The following USH2A variants were observed in gnomAD, a reference collection of about 807,000 sequenced individuals.
The protein encoded by USH2A is Usher syndrome 2A (autosomal recessive, mild).
In USH2A, 443 loss-of-function variants were observed where a neutral mutation model predicts 538.9. The ratio of observed to expected loss-of-function variants is 0.82; its 90% CI spans 0.76 to 0.89. The LOEUF is 0.89. USH2A is among the 40% of genes least tolerant of loss of function. The pLI, the probability that USH2A is intolerant of heterozygous loss-of-function variation, is 0.00. For missense variants in USH2A, 6,633 were observed against 6,324.8 expected, an observed-to-expected ratio of 1.05 and a Z score of -1.65; for synonymous variants, 2,413 against 2,273.5, an observed-to-expected ratio of 1.06 and a Z score of -1.75.
At chr1:215,901,205 T>C (rs570341898) in intron 38 of USH2A, 2 of 422,552 alleles carry the variant, frequency 4.7e-6, no homozygotes, top group African/African-American at 2.0e-5. Flanking sequence ...GGAGGGAATT[T>C]AGTGAAGCAA....
intron 64 of USH2A, among the ~76,000 whole-genome samples, chr1:215,653,356 G>A (rs1015265371): frequency 5.3e-5 from 8 of 152,100 alleles, no homozygotes; most frequent in Admixed American, 1.3e-4. Context: ...ATGTATGCAG[G>A]CTATTTTGTC....
intron 23 of USH2A, among the ~76,000 whole-genome samples, chr1:216,088,618 G>A (rs980020589): frequency 6.6e-5 from 10 of 152,156 alleles, no homozygotes; most frequent in African/African-American, 2.4e-4. Flanking sequence ...CCTCTCAACT[G>A]TGTAAGTTAG....
intron 32 of USH2A, among the ~76,000 whole-genome samples, chr1:216,044,300 A>G (rs769614596): frequency 2.4e-4 from 37 of 152,172 alleles, no homozygotes; most frequent in Non-Finnish European, 4.7e-4. Context: ...ATATCCCATT[A>G]CATGCAATGT....
At position 216,397,738 on chromosome 1, in the gene USH2A, C is replaced by T. The variant is rs2039236033; in HGVS notation, c.651+20776G>A. On this transcript the variant is annotated intron_variant, in intron 3 of 71. Transcript: ENST00000307340. ...GCTTTCAGCCTTAGACTATGGGATGCACTGTCAGCTTCCCTGGTTTTGAAG... is the reference window on the plus strand; with the variant it reads ...GCTTTCAGCCTTAGACTATGGGATGTACTGTCAGCTTCCCTGGTTTTGAAG... Among the ~76,000 whole-genome samples the T allele has an allele frequency of 2.6e-5, 4 of 152,310 alleles. No homozygotes were observed. In the South Asian group the frequency reaches 8.3e-4, roughly 32 times the overall value.
chr1:216,297,142 G>A (rs1314565231), intron 9 of USH2A, among the ~76,000 whole-genome samples: 1 of 151,818 alleles, frequency 6.6e-6, no homozygotes, highest in Non-Finnish European at 1.5e-5. Flanking sequence ...TTGAGTAATT[G>A]CCTGTACCTC....
intron 60 of USH2A, among the ~76,000 whole-genome samples, chr1:215,729,373 C>G (rs1360312972): frequency 6.6e-6 from 1 of 152,188 alleles, no homozygotes; most frequent in African/African-American, 2.4e-5. Context: ...ATAATTTAAA[C>G]CATAACCTCT....
At chr1:216,304,228 A>G in intron 9 of USH2A, among the ~76,000 whole-genome samples, 1 of 152,080 alleles carries the variant, frequency 6.6e-6, no homozygotes, top group Non-Finnish European at 1.5e-5. Flanking sequence ...CACAAGGAAT[A>G]CATTTGAAGA....
chr1:215,680,108 G>A, intron 62 of USH2A, 41 bp downstream of exon 62: 1 of 1,597,758 alleles, frequency 6.3e-7, no homozygotes, highest in Non-Finnish European at 8.6e-7. Context: ...TATTTATCTG[G>A]AGAACACCAA....
rs1386612395 is a variant in USH2A, at chr1:215,741,387, T to A, written c.11699A>T (p.Tyr3900Phe). ...PEKPNGIIINYFIYRRPAGIE... is the reference protein window; with the variant it reads ...PEKPNGIIINFFIYRRPAGIE... ...CAGCCAATCTTACCTGTAAATAAAG[T>A]AGTTGATGATGATTCCATTTGGTTT... The change falls in exon 60 of 72, where the codon TAC becomes TTC. Residue 3900 changes from tyrosine to phenylalanine, a missense_variant. Coordinates refer to ENST00000307340, the MANE Select transcript of USH2A (RefSeq NM_206933.4). 2 of 1,613,944 alleles carry A rather than the reference T, an allele frequency of 1.2e-6. No individual in the cohort carries two copies. Among genetic ancestry groups the A allele is most frequent in the Non-Finnish European group, 1.7e-6 (2 of 1,180,016 alleles).
intron 40 of USH2A, among the ~76,000 whole-genome samples, chr1:215,890,504 A>C (rs1446460522): frequency 6.6e-6 from 1 of 152,168 alleles, no homozygotes; most frequent in East Asian, 1.9e-4. Flanking sequence ...TAGTGCACTA[A>C]CTCTGAAATC....
intron 11 of USH2A, among the ~76,000 whole-genome samples, chr1:216,264,667 C>G (rs2036438586): frequency 6.6e-6 from 1 of 152,064 alleles, no homozygotes; most frequent in Admixed American, 6.6e-5. Context: ...TACTACTTAA[C>G]TGCAAAATTT....
chr1:216,092,688 T>C (rs556173630), intron 22 of USH2A, among the ~76,000 whole-genome samples: 2 of 152,144 alleles, frequency 1.3e-5, no homozygotes, highest in South Asian at 4.1e-4. Flanking sequence ...TCATTGGAAG[T>C]AAGGAAGGAC....
chr1:216,396,491 T>C (rs1314981778), intron 3 of USH2A, among the ~76,000 whole-genome samples: 4 of 152,166 alleles, frequency 2.6e-5, no homozygotes. Context: ...CAGCCCATAA[T>C]TAAAGATGTT....
intron 9 of USH2A, among the ~76,000 whole-genome samples, chr1:216,299,836 T>C (rs2037180069): frequency 6.6e-6 from 1 of 152,098 alleles, no homozygotes; most frequent in Non-Finnish European, 1.5e-5. Flanking sequence ...TCCAAAACAA[T>C]GGGATTAATA....
At chr1:215,844,605 T>A in intron 45 of USH2A, 109 bp from the exon 46 acceptor site, 1 of 1,106,248 alleles carries the variant, frequency 9.0e-7, no homozygotes, top group Non-Finnish European at 1.3e-6. Context: ...CTCGCTTATC[T>A]GCTTTTCGCT....
chr1:216,415,801 C>T (rs1297895571), intron 3 of USH2A, among the ~76,000 whole-genome samples: 1 of 152,026 alleles, frequency 6.6e-6, no homozygotes, highest in Non-Finnish European at 1.5e-5. Context: ...GCTGGGATTA[C>T]AGGCATGAAC....
At chr1:215,737,833 T>C (rs538418430) in intron 60 of USH2A, among the ~76,000 whole-genome samples, 12 of 152,198 alleles carry the variant, frequency 7.9e-5, no homozygotes, top group Middle Eastern at 6.8e-3. Flanking sequence ...TAAAATGTTT[T>C]CACTTATCTG....
Position 215,758,561 on chromosome 1 carries a change from C to T in USH2A, c.11389+34G>A, listed in dbSNP as rs371506935. Reference sequence around the variant, plus strand: ...CTAATTAATTCCTTTAAAATGTTTACACACACACACACATACTTCTTTTTT... The same window carrying T: ...CTAATTAATTCCTTTAAAATGTTTATACACACACACACATACTTCTTTTTT... On this transcript the variant is annotated intron_variant, in intron 58 of 71. Coordinates refer to ENST00000307340, the MANE Select transcript of USH2A (RefSeq NM_206933.4). 4.7e-6 allele frequency: 7 copies of T among 1,474,342 alleles called. No individual in the cohort carries two copies. In the East Asian group the frequency reaches 1.2e-4, roughly 25 times the overall value. The allele number at this position is 1,474,342 out of a possible 1,614,324, so 91.3% of individuals were successfully genotyped here.
intron 5 of USH2A, among the ~76,000 whole-genome samples, chr1:216,326,118 A>G (rs1401043603): frequency 1.3e-5 from 2 of 152,250 alleles, no homozygotes; most frequent in African/African-American, 4.8e-5. Context: ...CCTGTGACTC[A>G]TCAGTACAGA....
Sources: allele counts gnomAD v4.1 joint callset (sites outside exome capture counted in the v4.1 genomes callset), GRCh38; gene constraint gnomAD v4.1.1; transcripts MANE v1.5; gene names NCBI Gene and HGNC (gene_info 2026-07-23, HGNC 2026-07-21).